The following PRSS23 variants were observed in gnomAD, a reference collection of about 807,000 sequenced individuals.
The protein encoded by PRSS23 is serine protease 23.
Under a neutral mutation model 34.7 loss-of-function variants are expected in PRSS23, and 25 were observed. That is an observed-to-expected ratio of 0.72 (90% CI 0.53 to 1.01). The LOEUF is 1.01. PRSS23 is among the 50% of genes least tolerant of loss of function. PRSS23 has a pLI of 0.00. For missense variants in PRSS23, 445 were observed against 475.6 expected, an observed-to-expected ratio of 0.94 and a Z score of 0.60; for synonymous variants, 176 against 186.6, an observed-to-expected ratio of 0.94 and a Z score of 0.46.
At chr11:86,873,998 G>C (rs559124742) in intron 2 of PRSS23, among the ~76,000 whole-genome samples, 1 of 152,176 alleles carries the variant, frequency 6.6e-6, no homozygotes. Context: ...ACATAGATTA[G>C]GGAAAATATC....
At chr11:86,806,582 C>G (rs1242192306) in intron 1 of PRSS23, among the ~76,000 whole-genome samples, 1 of 152,176 alleles carries the variant, frequency 6.6e-6, no homozygotes, top group Non-Finnish European at 1.5e-5. Context: ...TGGAGCGAGG[C>G]TGTGGCATAC....
intron 2 of PRSS23, among the ~76,000 whole-genome samples, chr11:86,843,430 T>C (rs977044437): frequency 6.6e-6 from 1 of 152,164 alleles, no homozygotes; most frequent in Non-Finnish European, 1.5e-5. Flanking sequence ...TGGGATTTAA[T>C]TAAACTAAAG....
chr11:86,913,605 A>G (rs770046476), intron 2 of PRSS23, among the ~76,000 whole-genome samples: 1 of 151,624 alleles, frequency 6.6e-6, no homozygotes, highest in Non-Finnish European at 1.5e-5. Flanking sequence ...AAAGGTAATG[A>G]GAGTTCACAG....
At chr11:86,940,269 C>T (rs1336052215) in intron 2 of PRSS23, among the ~76,000 whole-genome samples, 3 of 152,100 alleles carry the variant, frequency 2.0e-5, no homozygotes, top group Admixed American at 1.3e-4. Flanking sequence ...TGGCCTCTGG[C>T]GTTATTTATC....
intron 2 of PRSS23, among the ~76,000 whole-genome samples, chr11:86,851,962 C>A (rs1169933463): frequency 6.6e-6 from 1 of 152,202 alleles, no homozygotes; most frequent in Non-Finnish European, 1.5e-5. Context: ...CCACCACAAC[C>A]AAGAACAGAA....
chr11:86,903,102 A>C (rs531634261), intron 2 of PRSS23, among the ~76,000 whole-genome samples: 85 of 152,250 alleles, frequency 5.6e-4, no homozygotes, highest in African/African-American at 2.0e-3. Context: ...CAGGTCTTGC[A>C]TCTTCTGGAT....
chr11:86,915,423 T>C (rs1401134304), intron 2 of PRSS23, among the ~76,000 whole-genome samples: 1 of 151,822 alleles, frequency 6.6e-6, no homozygotes, highest in East Asian at 1.9e-4. Flanking sequence ...TATAAAACAG[T>C]AATAATACAG....
At chr11:86,927,940 T>G (rs1041452014) in intron 2 of PRSS23, among the ~76,000 whole-genome samples, 3 of 148,764 alleles carry the variant, frequency 2.0e-5, no homozygotes, top group African/African-American at 7.4e-5. Flanking sequence ...AAACTCCGTC[T>G]CAAAAAAAAA....
At chr11:86,800,358 C>T, upstream of PRSS23, 1 of 777,314 alleles carries the variant, frequency 1.3e-6, no homozygotes, top group South Asian at 5.8e-5. Context: ...CGGCCTCAGG[C>T]CCTCTGGGCT....
At chr11:86,941,150 C>G (rs1949204730) in intron 2 of PRSS23, 1 of 152,198 alleles carries the variant, frequency 6.6e-6, no homozygotes, top group Non-Finnish European at 1.5e-5. Flanking sequence ...CTTCCCTCCA[C>G]CTTCCCTACA....
At chr11:86,835,451 A>G (rs1052172286) in intron 2 of PRSS23, among the ~76,000 whole-genome samples, 6 of 152,192 alleles carry the variant, frequency 3.9e-5, no homozygotes, top group African/African-American at 1.4e-4. Context: ...CCCGTTGGCA[A>G]GCTTAACACT....
intron 2 of PRSS23, among the ~76,000 whole-genome samples, chr11:86,864,573 T>C (rs1462993165): frequency 6.6e-6 from 1 of 152,246 alleles, no homozygotes; most frequent in Non-Finnish European, 1.5e-5. Flanking sequence ...TAAGGACACC[T>C]CTCATCATCT....
rs531388097 is a variant in PRSS23, at chr11:86,879,650, A to T, written c.206+56057A>T. On this transcript the variant is annotated intron_variant, in intron 2 of 2. Coordinates refer to the PRSS23 transcript ENST00000533902. Reference sequence around the variant, plus strand: ...AAGTGAGGAGCCCCTCTGCCCGGCCAGCCGCCCCGTCCGGGAAGGAGGTGG... The same window carrying T: ...AAGTGAGGAGCCCCTCTGCCCGGCCTGCCGCCCCGTCCGGGAAGGAGGTGG... Among the ~76,000 whole-genome samples, 343 of 133,066 alleles carry T rather than the reference A, an allele frequency of 2.6e-3. 1 individual carries two copies. Among genetic ancestry groups the T allele is most frequent in the African/African-American group, 8.8e-3 (317 of 36,058 alleles). 87.3% of individuals were successfully genotyped at this position (133,066 alleles called of 152,430 possible).
intron 1 of PRSS23, among the ~76,000 whole-genome samples, chr11:86,823,123 A>T (rs1384009471): frequency 6.6e-6 from 1 of 152,236 alleles, no homozygotes; most frequent in African/African-American, 2.4e-5. Flanking sequence ...CCCTAAAAGA[A>T]TGAAGAGGCT....
chr11:86,864,450 A>G (rs1948636781), intron 2 of PRSS23, among the ~76,000 whole-genome samples: 1 of 152,228 alleles, frequency 6.6e-6, no homozygotes, highest in Admixed American at 6.5e-5. Flanking sequence ...AGTCATGCCT[A>G]AGAAGCATGG....
chr11:86,826,793 A>C (rs1228847769), intron 2 of PRSS23, among the ~76,000 whole-genome samples: 1 of 152,180 alleles, frequency 6.6e-6, no homozygotes. Context: ...GCTGGATTAC[A>C]TTTATTGATT....
chr11:86,861,859 T>C lies in PRSS23; in HGVS notation c.206+38266T>C, dbSNP rs540388091. On this transcript the variant is annotated intron_variant, in intron 2 of 2. Transcript: ENST00000533902. ...CCAGAGTGGGAGAGGATGATATTAC[T>C]TTCCATATTGTAGGAAGTGTACACC... Among the ~76,000 whole-genome samples the C allele has an allele frequency of 4.3e-4, 65 of 152,086 alleles. 1 individual carries two copies. The South Asian group carries it at 0.013, about 31-fold the overall frequency.
intron 2 of PRSS23, chr11:86,833,339 C>T (rs1948375894): frequency 2.0e-6 from 2 of 1,010,154 alleles, no homozygotes; most frequent in Non-Finnish European, 3.1e-6. Context: ...AGCAGATTCT[C>T]CAGCACCATG....
chr11:86,928,674 CAAAAAAAAAAAAAAA>C (rs1212658424), intron 2 of PRSS23, among the ~76,000 whole-genome samples: 2 of 13,566 alleles, frequency 1.5e-4, no homozygotes, highest in East Asian at 2.3e-3. Context: ...GACTCTGTCT[CAAAAAAAAAAAAAAA>C]AAAAAAAAAA....
Sources: gnomAD v4.1 joint callset for allele counts (sites outside exome capture counted in the v4.1 genomes callset) on GRCh38, gnomAD v4.1.1 for gene constraint, MANE v1.5 for transcripts, NCBI Gene and HGNC (gene_info 2026-07-23, HGNC 2026-07-21) for gene names.